CAST: variants seen among roughly 807,000 people sequenced by gnomAD.
CAST encodes the protein MIR583 host.
Under a neutral mutation model 119.6 loss-of-function variants are expected in CAST, and 76 were observed. That is an observed-to-expected ratio of 0.64 (90% CI 0.53 to 0.77). The LOEUF (loss-of-function observed/expected upper bound fraction) is 0.77, where lower values mean the gene tolerates loss of function less well. Ranked by LOEUF, CAST falls within the 30% of genes least tolerant of loss-of-function variation. CAST has a pLI of 0.00. For synonymous variants in CAST, 319 were observed against 331.6 expected (o/e 0.96, Z 0.41); for missense variants, 953 against 946.5 (o/e 1.01, Z -0.09).
At chr5:96,483,645 G>GT in the CAST span, among the ~76,000 whole-genome samples, 1 of 151,920 alleles carries the variant, frequency 6.6e-6, no homozygotes, top group East Asian at 1.9e-4. Flanking sequence ...ATCTTTCATT[G>GT]TTTTTTCTTT....
chr5:96,224,527 C>T, the CAST span, among the ~76,000 whole-genome samples: 1 of 151,892 alleles, frequency 6.6e-6, no homozygotes, highest in African/African-American at 2.4e-5. Context: ...GAGGAGAGAG[C>T]AATGTGAAGA....
the CAST span, among the ~76,000 whole-genome samples, chr5:96,176,993 A>G: frequency 6.6e-6 from 1 of 152,234 alleles, no homozygotes; most frequent in Admixed American, 6.5e-5. Flanking sequence ...AAGAATTCAA[A>G]TAACTTTTCA....
chr5:96,542,289 C>T (rs948907488), intron 1 of CAST, among the ~76,000 whole-genome samples: 2 of 137,500 alleles, frequency 1.5e-5, no homozygotes, highest in Non-Finnish European at 3.1e-5. Flanking sequence ...CCAGCCTGGG[C>T]GACAGCAAGA....
chr5:96,335,324 G>A, the CAST span, among the ~76,000 whole-genome samples: 2 of 152,176 alleles, frequency 1.3e-5, no homozygotes, highest in African/African-American at 4.8e-5. Flanking sequence ...CCATATTGTA[G>A]CTGGAAAATT....
the CAST span, among the ~76,000 whole-genome samples, chr5:96,341,470 A>G: frequency 6.6e-6 from 1 of 152,088 alleles, no homozygotes; most frequent in South Asian, 2.1e-4. Context: ...TCGAAATAAC[A>G]ATTTTCTTTT....
the CAST span, chr5:96,393,261 G>A: frequency 8.7e-6 from 14 of 1,614,024 alleles, 1 homozygote; most frequent in South Asian, 7.7e-5. Flanking sequence ...AGGAGTCGCA[G>A]CATGGCCTGG....
chr5:96,093,321 T>C, the CAST span, among the ~76,000 whole-genome samples: 2 of 152,306 alleles, frequency 1.3e-5, no homozygotes, highest in African/African-American at 2.4e-5. Context: ...AAAATGTTTA[T>C]TGAGCAGTGC....
the CAST span, among the ~76,000 whole-genome samples, chr5:96,161,659 G>A: frequency 2.6e-5 from 4 of 152,194 alleles, no homozygotes; most frequent in Non-Finnish European, 5.9e-5. Flanking sequence ...CAAGAAGACA[G>A]CTGAAGTTTT....
chr5:95,976,852 C>T, the CAST span, among the ~76,000 whole-genome samples: 1 of 152,132 alleles, frequency 6.6e-6, no homozygotes, highest in East Asian at 1.9e-4. Context: ...ATTCAGTTGG[C>T]AGATGTTTTT....
At chr5:96,203,522 A>G in the CAST span, among the ~76,000 whole-genome samples, 1 of 152,088 alleles carries the variant, frequency 6.6e-6, no homozygotes, top group Non-Finnish European at 1.5e-5. Flanking sequence ...TGGCACATCT[A>G]ATTTTAACTA....
At chr5:96,443,379 A>G in the CAST span, among the ~76,000 whole-genome samples, 1 of 152,212 alleles carries the variant, frequency 6.6e-6, no homozygotes, top group African/African-American at 2.4e-5. Context: ...CAAGCCAGCC[A>G]GGCACTCCAA....
chr5:95,965,699 C>A, the CAST span, among the ~76,000 whole-genome samples: 3 of 152,170 alleles, frequency 2.0e-5, no homozygotes, highest in Non-Finnish European at 4.4e-5. Context: ...AAGACTTTGC[C>A]CAGCCATGTA....
the CAST span, chr5:96,391,135 A>G: frequency 6.6e-6 from 1 of 152,254 alleles, no homozygotes; most frequent in African/African-American, 2.4e-5. Context: ...ACAATATATG[A>G]AACTTCCAAG....
chr5:96,760,862 C>G (rs1241517057), intron 24 of CAST: 1 of 151,466 alleles, frequency 6.6e-6, no homozygotes, highest in Non-Finnish European at 1.5e-5. Context: ...TTTTATAACT[C>G]AATAAAATTA....
the CAST span, among the ~76,000 whole-genome samples, chr5:96,495,295 G>A: frequency 2.6e-5 from 4 of 152,172 alleles, no homozygotes; most frequent in East Asian, 7.7e-4. Flanking sequence ...TGTATGTGCA[G>A]AACATGCAGG....
At chr5:96,115,607 A>G in the CAST span, among the ~76,000 whole-genome samples, 30 of 152,318 alleles carry the variant, frequency 2.0e-4, no homozygotes, top group Non-Finnish European at 2.2e-4. Flanking sequence ...GGCAGCAGAC[A>G]CTCACTCAAT....
rs532194160 is a variant in CAST, at chr5:96,637,392, C to G, written c.61-38147C>G. 2.2e-4 allele frequency among the ~76,000 whole-genome samples: 33 copies of G among 152,300 alleles called. 1 individual carries two copies. In the South Asian group the frequency reaches 6.6e-3, roughly 31 times the overall value. ...ATATGTAACCATGGATTTATACTAC[C>G]TTTCTGGAATGTGGCTTTCCAACAT... On this transcript the variant is annotated intron_variant, in intron 1 of 11. Transcript: ENST00000505143.
chr5:96,362,189 T>G, the CAST span, among the ~76,000 whole-genome samples: 29 of 152,256 alleles, frequency 1.9e-4, no homozygotes, highest in African/African-American at 7.0e-4. Context: ...CTGCATAGTA[T>G]TCCATGGTGT....
the CAST span, chr5:96,425,864 G>A: frequency 1.1e-5 from 18 of 1,611,800 alleles, no homozygotes; most frequent in Non-Finnish European, 1.4e-5. Context: ...AAGAGATTTA[G>A]TGCTGAGTCC....
Sources: allele counts gnomAD v4.1 joint callset (sites outside exome capture counted in the v4.1 genomes callset), GRCh38; gene constraint gnomAD v4.1.1; transcripts MANE v1.5; gene names NCBI Gene and HGNC (gene_info 2026-07-23, HGNC 2026-07-21).